Variants in PRKG1 observed in about 807,000 individuals in gnomAD.
PRKG1 encodes the protein protein kinase cGMP-dependent 1, also known as cGMP-dependent protein kinase 1.
A neutral mutation model predicts 88.1 loss-of-function variants in PRKG1; 35 were observed. The observed-to-expected ratio is 0.40, with a 90% confidence interval of 0.30 to 0.53. The LOEUF (loss-of-function observed/expected upper bound fraction) is 0.53. Ranked by LOEUF, PRKG1 falls within the 20% of genes least tolerant of loss-of-function variation. The pLI is 0.59. For missense variants in PRKG1, 540 were observed against 839.8 expected, an observed-to-expected ratio of 0.64 and a Z score of 4.41; for synonymous variants, 303 against 292.5, an observed-to-expected ratio of 1.04 and a Z score of -0.37.
At chr10:51,536,673 A>T (rs951904153) in intron 3 of PRKG1, among the ~76,000 whole-genome samples, 1 of 151,808 alleles carries the variant, frequency 6.6e-6, no homozygotes, top group Non-Finnish European at 1.5e-5. Context: ...ATTATACTTT[A>T]AGTTTTAGGG....
At chr10:51,292,019 A>G (rs1237427800) in intron 2 of PRKG1, among the ~76,000 whole-genome samples, 5 of 152,164 alleles carry the variant, frequency 3.3e-5, no homozygotes, top group Admixed American at 1.3e-4. Context: ...TAACGTTGTT[A>G]GAGTCGATCT....
chr10:51,974,915 A>G (rs1182338882), intron 5 of PRKG1, among the ~76,000 whole-genome samples: 8 of 152,132 alleles, frequency 5.3e-5, no homozygotes, highest in African/African-American at 1.7e-4. Flanking sequence ...GACAGAGAGT[A>G]TATTGGAATT....
chr10:51,298,416 G>C (rs1054789357), intron 2 of PRKG1, among the ~76,000 whole-genome samples: 1 of 152,150 alleles, frequency 6.6e-6, no homozygotes, highest in Non-Finnish European at 1.5e-5. Flanking sequence ...CATGAACCTG[G>C]TGGGAGTTGT....
chr10:51,238,235 C>T (rs1020598543), intron 2 of PRKG1, among the ~76,000 whole-genome samples: 7 of 152,088 alleles, frequency 4.6e-5, no homozygotes, highest in Admixed American at 2.6e-4. Flanking sequence ...TGGTGGGCAT[C>T]GAACTTTCAT....
chr10:52,138,912 T>C (rs74135173), intron 8 of PRKG1, among the ~76,000 whole-genome samples: 1,571 of 152,168 alleles, frequency 0.01, 31 homozygotes, highest in African/African-American at 0.035. Context: ...CTCACCATAA[T>C]TGGGGAGCAA....
rs527861390 is a variant in PRKG1, at chr10:51,849,262, T to C, written c.698+44572T>C. Among the ~76,000 whole-genome samples, 347 of 152,292 alleles carry C rather than the reference T, an allele frequency of 2.3e-3. 1 individual carries two copies. The highest frequency in any genetic ancestry group is 0.017 in the Middle Eastern group (5 of 294). On this transcript the variant is annotated intron_variant, in intron 4 of 17. Transcript: ENST00000373980. Reference sequence around the variant, plus strand: ...TCTTGGAGCCAAACAGGCATGAGTTTGAATTTTATTTCTGCCACACAGTAA... The same window carrying C: ...TCTTGGAGCCAAACAGGCATGAGTTCGAATTTTATTTCTGCCACACAGTAA...
intron 6 of PRKG1, among the ~76,000 whole-genome samples, chr10:52,056,139 T>G (rs1846105971): frequency 6.6e-6 from 1 of 152,208 alleles, no homozygotes; most frequent in African/African-American, 2.4e-5. Context: ...CAGTTAAAAT[T>G]ATATCTTATA....
chr10:51,085,224 ACC>A (rs1554834885), intron 1 of PRKG1, among the ~76,000 whole-genome samples: 8 of 152,180 alleles, frequency 5.3e-5, no homozygotes, highest in Non-Finnish European at 2.9e-5. Flanking sequence ...TCTTCCTAAT[ACC>A]TACGTTACCT....
At chr10:51,418,412 G>A (rs945977936) in intron 2 of PRKG1, among the ~76,000 whole-genome samples, 1 of 152,148 alleles carries the variant, frequency 6.6e-6, no homozygotes, top group African/African-American at 2.4e-5. Flanking sequence ...TTGAGCCTAT[G>A]GGCAGAGGAA....
intron 5 of PRKG1, among the ~76,000 whole-genome samples, chr10:51,952,671 G>T (rs1435704210): frequency 1.3e-5 from 2 of 152,088 alleles, no homozygotes; most frequent in Non-Finnish European, 2.9e-5. Flanking sequence ...GATTAAAGGA[G>T]GCATCATGGT....
chr10:52,013,115 C>T (rs7908149), intron 5 of PRKG1, among the ~76,000 whole-genome samples: 2 of 152,150 alleles, frequency 1.3e-5, no homozygotes, highest in South Asian at 4.1e-4. Flanking sequence ...TTAACCAGTG[C>T]TTCAAGAAAG....
intron 2 of PRKG1, among the ~76,000 whole-genome samples, chr10:51,161,035 A>G (rs1488407106): frequency 3.3e-5 from 5 of 152,180 alleles, no homozygotes; most frequent in Admixed American, 2.0e-4. Flanking sequence ...AAAGCCATAC[A>G]TTTTTGCTTT....
chr10:51,463,862 C>T (rs1839808773), intron 2 of PRKG1, among the ~76,000 whole-genome samples: 1 of 152,176 alleles, frequency 6.6e-6, no homozygotes, highest in Non-Finnish European at 1.5e-5. Context: ...TTGAATTAGC[C>T]ATTCCTCGTT....
rs200470222 is a variant in PRKG1 at position 51,000,743 on chromosome 10, AT to A, written c.266+9110del. On this transcript the variant is annotated intron_variant, in intron 1 of 17. Coordinates refer to the PRKG1 transcript ENST00000401604. ...AAGGCTAAGTATTAAGAGTTCATAG[AT>A]TTTTTTTTTTAAGAATGAGGTGTAA... Among the ~76,000 whole-genome samples, 182 of 149,412 alleles carry A rather than the reference AT, an allele frequency of 1.2e-3. 1 individual carries two copies. The East Asian group carries it at 0.015, about 12-fold the overall frequency.
intron 5 of PRKG1, chr10:51,908,725 C>CTATCTATCTATA (rs1299574623): frequency 2.3e-4 from 14 of 60,560 alleles, no homozygotes; most frequent in South Asian, 9.6e-4. Context: ...GTCTATCTAT[C>CTATCTATCTATA]TATATGTAAT....
At chr10:51,544,325 G>A (rs954297702) in intron 3 of PRKG1, among the ~76,000 whole-genome samples, 5 of 151,782 alleles carry the variant, frequency 3.3e-5, no homozygotes, top group Non-Finnish European at 7.4e-5. Flanking sequence ...CTGTCCTTGC[G>A]ATAGTTTGCT....
intron 4 of PRKG1, among the ~76,000 whole-genome samples, chr10:51,860,992 T>A (rs1309309995): frequency 1.3e-5 from 2 of 152,234 alleles, no homozygotes; most frequent in Non-Finnish European, 2.9e-5. Flanking sequence ...TTCATTCATG[T>A]ATCACACATG....
intron 3 of PRKG1, among the ~76,000 whole-genome samples, chr10:51,672,842 T>A (rs34854573): frequency 0.049 from 7,532 of 152,198 alleles, 293 homozygotes; most frequent in Admixed American, 0.095. Flanking sequence ...ATACCCTGAG[T>A]CAAGACGAAG....
chr10:51,689,559 C>A (rs1205106042), intron 3 of PRKG1, among the ~76,000 whole-genome samples: 1 of 152,116 alleles, frequency 6.6e-6, no homozygotes, highest in Non-Finnish European at 1.5e-5. Context: ...GGATTAATCC[C>A]ATACAATGTG....
Sources: allele counts gnomAD v4.1 joint callset (sites outside exome capture counted in the v4.1 genomes callset), GRCh38; gene constraint gnomAD v4.1.1; transcripts MANE v1.5; gene names NCBI Gene and HGNC (gene_info 2026-07-23, HGNC 2026-07-21).